Variants in DBH observed in about 807,000 individuals in gnomAD.
DBH encodes the protein dopamine beta-hydroxylase (dopamine beta-monooxygenase).
Under a neutral mutation model 64.0 loss-of-function variants are expected in DBH, and 49 were observed. That is an observed-to-expected ratio of 0.77 (90% confidence interval 0.61 to 0.97). The LOEUF (loss-of-function observed/expected upper bound fraction) is 0.97, where lower values mean the gene tolerates loss of function less well. Among genes scored for constraint, DBH ranks in the 50% least tolerant of loss-of-function variants. The probability of loss-of-function intolerance (pLI) is 0.00; values close to 1 mark genes in which losing one functional copy is unlikely to be tolerated. For synonymous variants in DBH, 343 were observed against 347.1 expected (o/e 0.99, Z 0.13); for missense variants, 828 against 826.6 (o/e 1.00, Z -0.02).
At chr9:133,654,007 C>T (rs1250974603) in intron 9 of DBH, among the ~76,000 whole-genome samples, 1 of 152,232 alleles carries the variant, frequency 6.6e-6, no homozygotes, top group East Asian at 1.9e-4. Context: ...CCCTCAGCGC[C>T]AGGAACTCAG....
chr9:133,636,680 C>A lies in DBH; in HGVS notation c.309C>A (p.Leu103=), dbSNP rs771597907. The A allele has an allele frequency of 1.2e-5, 20 of 1,606,422 alleles. No individual in the cohort carries two copies. Among genetic ancestry groups the A allele is most frequent in the Admixed American group, 1.7e-5 (1 of 59,996 alleles). ...TTGAGAACGCAGATCTCGTGGTGCT[C>A]TGGACCGATGGGGACACTGCCTATT... ...GELENADLVV[L]WTDGDTAYFA... is the part of the protein sequence containing the mutation. The change falls in exon 1 of 12, where the codon CTC becomes CTA. Residue 103 remains leucine (L), a synonymous_variant. Transcript: ENST00000393056.
At position 133,643,124 on chromosome 9, in the gene DBH, G is replaced by T. The variant is rs1049674596; in HGVS notation, c.745-289G>T. On this transcript the variant is annotated intron_variant, in intron 3 of 11. Transcript: ENST00000393056. This position sits in a 1 kb window ranked among gnomAD's most constrained non-coding sequence, Gnocchi z 5.3. ...CAGGGCTGCCCTGCCTCCCACTGGG[G>T]CTGCAGGAGCTGGCCCGGCCACAGC... Among the ~76,000 whole-genome samples the T allele has an allele frequency of 5.9e-5, 9 of 152,310 alleles. No homozygotes were observed. The highest frequency in any genetic ancestry group is 2.2e-4 in the African/African-American group (9 of 41,562).
At chr9:133,642,571 G>A (rs1832130573) in intron 3 of DBH, 107 bp downstream of exon 3, 1 of 1,398,528 alleles carries the variant, frequency 7.2e-7, no homozygotes, top group Non-Finnish European at 9.8e-7. Context: ...TGGACCAGGT[G>A]TCCTCTTATC....
At chr9:133,654,450 G>A (rs1459739888) in intron 9 of DBH, 1 of 152,236 alleles carries the variant, frequency 6.6e-6, no homozygotes, top group African/African-American at 2.4e-5. Context: ...AAGTCACACA[G>A]CTGATAGATG....
chr9:133,657,424 GGAGA>G (rs142829983), intron 11 of DBH, 195 bp downstream of exon 11: 10 of 454,122 alleles, frequency 2.2e-5, no homozygotes, highest in Non-Finnish European at 2.4e-5. Flanking sequence ...AGGAGAGAGA[GGAGA>G]GAGAGGAGAG....
At chr9:133,645,446 T>A (rs1460725416) in intron 5 of DBH, among the ~76,000 whole-genome samples, 1 of 152,170 alleles carries the variant, frequency 6.6e-6, no homozygotes, top group Non-Finnish European at 1.5e-5. Flanking sequence ...CTGGTTGTAT[T>A]TATGGATCCT....
chr9:133,647,721 A>C (rs1832198687), intron 5 of DBH, 125 bp from the exon 6 acceptor site: 1 of 1,177,664 alleles, frequency 8.5e-7, no homozygotes, highest in African/African-American at 1.5e-5. Flanking sequence ...GTGGGAGCAG[A>C]TGGGGGGTGA....
At chr9:133,644,944 TGCACACACACAC>T (rs1399151409) in intron 5 of DBH, among the ~76,000 whole-genome samples, 3 of 119,516 alleles carry the variant, frequency 2.5e-5, no homozygotes, top group South Asian at 2.3e-4. Flanking sequence ...ACGCACACAA[TGCACACACACAC>T]GCACACACAC....
intron 11 of DBH, 32 bp downstream of exon 11, chr9:133,657,261 A>G (rs1832335982): frequency 6.2e-7 from 1 of 1,612,398 alleles, no homozygotes; most frequent in African/African-American, 1.3e-5. Flanking sequence ...TGGGGCATGC[A>G]GTCAGGCAGG....
chr9:133,656,376 G>T, intron 9 of DBH, 147 bp from the exon 10 acceptor site: 2 of 1,059,628 alleles, frequency 1.9e-6, no homozygotes, highest in Admixed American at 4.0e-5. Flanking sequence ...TTCCTTGAGG[G>T]CAGGGACTCG....
chr9:133,637,715 C>T (rs1171336507), intron 1 of DBH, among the ~76,000 whole-genome samples: 1 of 152,194 alleles, frequency 6.6e-6, no homozygotes, highest in Non-Finnish European at 1.5e-5. Flanking sequence ...TTCATGAGGG[C>T]AGATGGTGGC....
At chr9:133,657,439 A>AGGAGAGAGAGGAGT in intron 11 of DBH, 1 of 469,406 alleles carries the variant, frequency 2.1e-6, no homozygotes, top group Non-Finnish European at 3.9e-6. Context: ...GAGAGGAGAG[A>AGGAGAGAGAGGAGT]GAGGAGAGAG....
In DBH at chr9:133,656,968, C is replaced by A. The variant is rs1832329955; in HGVS notation, c.1563-102C>A. The A allele has an allele frequency of 2.9e-6, 4 of 1,367,218 alleles. No individual in the cohort carries two copies. In the African/African-American group the frequency reaches 4.3e-5, roughly 15 times the overall value. The allele number at this position is 1,367,218 out of a possible 1,614,324, so 84.7% of individuals were successfully genotyped here. On this transcript the variant is annotated intron_variant, in intron 10 of 11. Coordinates refer to ENST00000393056, the MANE Select transcript of DBH (RefSeq NM_000787.4). ...TGGGGAGGAGGTGGCAGGACGGTTG[C>A]CCCAGGGACAGGACTCGAGTTGCAG... is the stretch of plus-strand genomic sequence containing the variant.
intron 8 of DBH, among the ~76,000 whole-genome samples, chr9:133,652,686 C>T (rs1832265289): frequency 6.6e-6 from 1 of 152,172 alleles, no homozygotes; most frequent in African/African-American, 2.4e-5. Flanking sequence ...CCACCAGCTG[C>T]ACCCCCACTG....
chr9:133,652,418 G>A (rs1832262450), intron 8 of DBH, 134 bp downstream of exon 8: 1 of 1,038,970 alleles, frequency 9.6e-7, no homozygotes, highest in South Asian at 1.3e-5. Context: ...GCAGGGGGAG[G>A]GTGCCTGTGG....
chr9:133,642,406 C>T lies in DBH; in HGVS notation c.686C>T (p.Thr229Met), dbSNP rs200628504. 1.2e-4 allele frequency: 199 copies of T among 1,613,820 alleles called. No individual in the cohort carries two copies. The highest frequency in any genetic ancestry group is 1.3e-4 in the Non-Finnish European group (157 of 1,179,930). ...PNIQIPSQET[T>M]YWCYIKELPK... ...ATCCAGATCCCCAGCCAGGAGACCA[C>T]GTACTGGTGCTACATTAAGGAGCTT... The change falls in exon 3 of 12, where the codon ACG becomes ATG. Residue 229 changes from threonine to methionine, a missense_variant. Thr to Met is a moderately conservative substitution (Grantham distance 81). Transcript: ENST00000393056.
rs3025411 is a variant in DBH, at chr9:133,647,784, G to A, written c.1025-62G>A. ...CTGGGGTCATAGGGATAATCTGTCCGCAGGGGGAAGTGAGAGGGCCTCCAC... is the reference window on the plus strand; with the variant it reads ...CTGGGGTCATAGGGATAATCTGTCCACAGGGGGAAGTGAGAGGGCCTCCAC... On this transcript the variant is annotated intron_variant, in intron 5 of 11. Coordinates refer to ENST00000393056, the MANE Select transcript of DBH (RefSeq NM_000787.4). 125,109 of 1,599,570 alleles carry A rather than the reference G, an allele frequency of 0.078. 5,567 individuals are homozygous for A. The highest frequency in any genetic ancestry group is 0.088 in the Non-Finnish European group (102,962 of 1,168,940).
intron 1 of DBH, among the ~76,000 whole-genome samples, chr9:133,638,756 A>G (rs916492581): frequency 6.6e-6 from 1 of 152,196 alleles, no homozygotes; most frequent in Non-Finnish European, 1.5e-5. Context: ...TGAGCCTTCA[A>G]TCAATTAATA....
rs1414986324 is a variant in DBH at position 133,642,440 on chromosome 9, C to T, written c.720C>T (p.Gly240=). The T allele has an allele frequency of 6.2e-7, 1 of 1,611,888 alleles. No individual in the cohort carries two copies. The part of the protein sequence containing the change: ...YWCYIKELPK[G]FSRHHIIKYE... ...GCTACATTAAGGAGCTTCCAAAGGG[C>T]TTCTCTCGGCACCACATTATCAAGG... is the stretch of plus-strand genomic sequence containing the variant. Residue 240 remains glycine, a synonymous_variant, in exon 3 of 12, where the codon GGC becomes GGT. Transcript: ENST00000393056.
Sources: allele counts gnomAD v4.1 joint callset (sites outside exome capture counted in the v4.1 genomes callset), GRCh38; gene constraint gnomAD v4.1.1; non-coding constraint Gnocchi (gnomAD v3.1); transcripts MANE v1.5; gene names NCBI Gene and HGNC (gene_info 2026-07-23, HGNC 2026-07-21).